CHRM3: variants seen among roughly 807,000 people sequenced by gnomAD.
The protein encoded by CHRM3 is cholinergic receptor muscarinic 3, also known as muscarinic acetylcholine receptor M3.
CHRM3 carries 11 observed loss-of-function variants against 41.8 expected under a neutral mutation model. The ratio of observed to expected loss-of-function variants is 0.26; its 90% CI spans 0.17 to 0.44. The LOEUF (loss-of-function observed/expected upper bound fraction) is 0.44, where lower values mean the gene tolerates loss of function less well. Among genes scored for constraint, CHRM3 ranks in the 20% least tolerant of loss-of-function variants. The pLI is 1.00. For synonymous variants in CHRM3, 297 were observed against 301.4 expected (o/e 0.99, Z 0.15); for missense variants, 571 against 745.4 (o/e 0.77, Z 2.72).
Position 239,619,193 on chromosome 1 carries a change from A to G in CHRM3, c.-312-13031A>G, listed in dbSNP as rs189802651. ...GCCTCCCAAAGTGCTAGGATTACAG[A>G]TGTGAGCCACTGCGCCTGACCTCCT... is the stretch of plus-strand genomic sequence containing the variant. On this transcript the variant is annotated intron_variant, in intron 3 of 6. Coordinates refer to ENST00000676153, the MANE Select transcript of CHRM3 (RefSeq NM_001375978.1). 5.2e-3 allele frequency among the ~76,000 whole-genome samples: 797 copies of G among 152,096 alleles called. 10 individuals are homozygous for G. The highest frequency in any genetic ancestry group is 0.019 in the African/African-American group (773 of 41,504).
intron 1 of CHRM3, among the ~76,000 whole-genome samples, chr1:239,401,037 A>G (rs1338909481): frequency 1.3e-5 from 2 of 152,152 alleles, no homozygotes; most frequent in Non-Finnish European, 2.9e-5. Flanking sequence ...CCAGGCAAAA[A>G]GAGAACAACC....
intron 3 of CHRM3, among the ~76,000 whole-genome samples, chr1:239,582,254 G>T (rs912620006): frequency 6.6e-6 from 1 of 152,056 alleles, no homozygotes; most frequent in African/African-American, 2.4e-5. Flanking sequence ...GTGCTCTGTA[G>T]GCTTAGAAAA....
intron 1 of CHRM3, among the ~76,000 whole-genome samples, chr1:239,411,270 C>T (rs1187316408): frequency 1.3e-5 from 2 of 152,102 alleles, no homozygotes; most frequent in Non-Finnish European, 2.9e-5. Flanking sequence ...TGCTTGGCCT[C>T]CTGTCTGGGT....
chr1:239,827,825 GTAAGTC>G (rs1672575512), intron 6 of CHRM3, among the ~76,000 whole-genome samples: 1 of 152,146 alleles, frequency 6.6e-6, no homozygotes, highest in African/African-American at 2.4e-5. Context: ...ATTCGAGGCA[GTAAGTC>G]ACATTGAACT....
At chr1:239,506,376 A>G (rs576561491) in intron 2 of CHRM3, among the ~76,000 whole-genome samples, 1 of 152,278 alleles carries the variant, frequency 6.6e-6, no homozygotes, top group Non-Finnish European at 1.5e-5. Flanking sequence ...CACTCCAGCC[A>G]TGGCTAAAAG....
At chr1:239,468,360 C>A (rs2147923810) in intron 1 of CHRM3, among the ~76,000 whole-genome samples, 1 of 152,230 alleles carries the variant, frequency 6.6e-6, no homozygotes, top group Middle Eastern at 3.4e-3. Context: ...ATGTTTCTAC[C>A]ATGATAATGG....
At chr1:239,682,228 T>G (rs1658638555) in intron 5 of CHRM3, among the ~76,000 whole-genome samples, 1 of 152,212 alleles carries the variant, frequency 6.6e-6, no homozygotes, top group Admixed American at 6.5e-5. Flanking sequence ...TGGCCTCGTG[T>G]ACAATTCTTC....
At chr1:239,535,955 G>T (rs902475221) in intron 2 of CHRM3, among the ~76,000 whole-genome samples, 14 of 152,146 alleles carry the variant, frequency 9.2e-5, no homozygotes, top group Non-Finnish European at 1.5e-4. Context: ...AGGCAGGTTA[G>T]ATATCATAAG....
At chr1:239,644,367 C>G (rs1671543986) in intron 4 of CHRM3, among the ~76,000 whole-genome samples, 1 of 145,030 alleles carries the variant, frequency 6.9e-6, no homozygotes, top group South Asian at 2.4e-4. Flanking sequence ...CTGGCTCTGT[C>G]CTGTTCCCCC....
intron 4 of CHRM3, among the ~76,000 whole-genome samples, chr1:239,644,447 G>A (rs75260959): frequency 0.028 from 4,196 of 151,996 alleles, 91 homozygotes; most frequent in Admixed American, 0.057. Context: ...TCCCCACGTC[G>A]TCATGCCTAT....
At chr1:239,760,336 A>G (rs537310397) in intron 5 of CHRM3, among the ~76,000 whole-genome samples, 70 of 152,138 alleles carry the variant, frequency 4.6e-4, no homozygotes, top group African/African-American at 1.6e-3. Flanking sequence ...TGTGCATTAT[A>G]TCATCCCATG....
At chr1:239,862,489 A>G (rs1572519773) in intron 6 of CHRM3, among the ~76,000 whole-genome samples, 1 of 152,292 alleles carries the variant, frequency 6.6e-6, no homozygotes, top group East Asian at 1.9e-4. Flanking sequence ...ATTATTTTAA[A>G]TTTCTTCTTT....
chr1:239,638,702 A>G (rs911148030), intron 4 of CHRM3, among the ~76,000 whole-genome samples: 7 of 151,982 alleles, frequency 4.6e-5, no homozygotes, highest in Non-Finnish European at 1.0e-4. Flanking sequence ...ATTTTCTCCC[A>G]TTTTGTAGGT....
chr1:239,865,206 A>G (rs1038954699), intron 6 of CHRM3, among the ~76,000 whole-genome samples: 7 of 152,170 alleles, frequency 4.6e-5, no homozygotes, highest in Non-Finnish European at 7.3e-5. Context: ...TATGGGAGAA[A>G]AGCAAGATGG....
chr1:239,698,164 A>G (rs1334722220), intron 5 of CHRM3, among the ~76,000 whole-genome samples: 1 of 152,180 alleles, frequency 6.6e-6, no homozygotes, highest in Non-Finnish European at 1.5e-5. Context: ...GGTAATTATT[A>G]TTTTGTAAAA....
intron 3 of CHRM3, among the ~76,000 whole-genome samples, chr1:239,621,057 T>A (rs1668305705): frequency 6.6e-6 from 1 of 152,208 alleles, no homozygotes. Flanking sequence ...TCACTTTGTG[T>A]CTGTGTCACA....
chr1:239,480,696 A>G, intron 1 of CHRM3, among the ~76,000 whole-genome samples: 1 of 151,908 alleles, frequency 6.6e-6, no homozygotes, highest in East Asian at 1.9e-4. Flanking sequence ...AGCGGGGACT[A>G]CAGGTGCCCA....
chr1:239,830,665 C>T (rs982603997), intron 6 of CHRM3, among the ~76,000 whole-genome samples: 4 of 152,222 alleles, frequency 2.6e-5, no homozygotes, highest in Non-Finnish European at 4.4e-5. Flanking sequence ...TATTGTGCCA[C>T]TGCACTCCAG....
intron 5 of CHRM3, among the ~76,000 whole-genome samples, chr1:239,688,180 TATACAC>T (rs138626635): frequency 0.051 from 7,635 of 149,984 alleles, 221 homozygotes; most frequent in East Asian, 0.075. Context: ...ATATATATAA[TATACAC>T]ATACACATAC....
Sources: gnomAD v4.1 joint callset for allele counts (sites outside exome capture counted in the v4.1 genomes callset) on GRCh38, gnomAD v4.1.1 for gene constraint, MANE v1.5 for transcripts, NCBI Gene and HGNC (gene_info 2026-07-23, HGNC 2026-07-21) for gene names.